The following OGFOD3 variants were observed in gnomAD, a reference collection of about 807,000 sequenced individuals.
OGFOD3 encodes 2-oxoglutarate and iron-dependent oxygenase domain-containing protein 3.
A neutral mutation model predicts 39.8 loss-of-function variants in OGFOD3; 35 were observed. That is an observed-to-expected ratio of 0.88 (90% CI 0.67 to 1.17). The LOEUF (loss-of-function observed/expected upper bound fraction) is 1.17, where lower values mean the gene tolerates loss of function less well. Ranked by LOEUF, OGFOD3 falls within the 50% of genes most tolerant of loss-of-function variation. OGFOD3 has a pLI of 0.00. For missense variants in OGFOD3, 438 were observed against 454.5 expected, an observed-to-expected ratio of 0.96 and a Z score of 0.33; for synonymous variants, 200 against 192.0, an observed-to-expected ratio of 1.04 and a Z score of -0.34.
intron 7 of OGFOD3, among the ~76,000 whole-genome samples, chr17:82,400,489 G>A (rs892179019): frequency 6.6e-6 from 1 of 152,170 alleles, no homozygotes; most frequent in Non-Finnish European, 1.5e-5. Flanking sequence ...AGGAACAATT[G>A]CCAAAACTGT....
chr17:82,398,276 G>C lies in OGFOD3; in HGVS notation c.743C>G (p.Ser248Cys), dbSNP rs766693096. The change falls in exon 8 of 9, where the codon TCC becomes TGC. Residue 248 changes from serine (S) to cysteine (C), a missense_variant. Transcript: ENST00000313056. ...SFDYTSLLYL[S>C]NYLEDFGGGR... ...TCCGCCGAAGTCCTCCAGGTAGTTG[G>C]AGAGGTACAGCAGCGAGGTGTAGTC... is the stretch of plus-strand genomic sequence containing the variant. The C allele has an allele frequency of 1.9e-6, 3 of 1,614,094 alleles. No homozygotes were observed. The highest frequency in any genetic ancestry group is 2.7e-5 in the African/African-American group (2 of 74,934).
intron 8 of OGFOD3, among the ~76,000 whole-genome samples, chr17:82,397,176 T>G (rs994475418): frequency 1.3e-5 from 2 of 151,888 alleles, no homozygotes; most frequent in African/African-American, 4.8e-5. Context: ...AATCTCAAAA[T>G]AAACAAGCTG....
At chr17:82,395,457 C>T (rs960895406) in intron 8 of OGFOD3, among the ~76,000 whole-genome samples, 1 of 152,212 alleles carries the variant, frequency 6.6e-6, no homozygotes, top group Non-Finnish European at 1.5e-5. Flanking sequence ...TGGGAACCCC[C>T]GAACACAGGA....
At chr17:82,395,557 C>T (rs2052658634) in intron 8 of OGFOD3, among the ~76,000 whole-genome samples, 1 of 152,072 alleles carries the variant, frequency 6.6e-6, no homozygotes, top group South Asian at 2.1e-4. Context: ...CGTGGTGGCT[C>T]ACGCCTGTCA....
At chr17:82,416,642 C>A (rs72857454) in intron 1 of OGFOD3, among the ~76,000 whole-genome samples, 8,314 of 151,550 alleles carry the variant, frequency 0.055, 347 homozygotes, top group Non-Finnish European at 0.082. Flanking sequence ...CATATTAGGA[C>A]AATATTTCTT....
chr17:82,405,267 C>A, intron 6 of OGFOD3, 57 bp downstream of exon 6: 2 of 1,486,192 alleles, frequency 1.3e-6, no homozygotes, highest in Non-Finnish European at 1.9e-6. Flanking sequence ...CTCTGCCACA[C>A]CCCTCAGCCC....
Position 82,406,548 on chromosome 17 carries a change from G to T in OGFOD3, c.424-66C>A. ...ATGGCAATGGCTGTTAAAAGTCATG[G>T]ATGGTAAATGCGAGTTTCCAAGGTC... On this transcript the variant is annotated intron_variant, in intron 4 of 8. Coordinates refer to ENST00000313056, the MANE Select transcript of OGFOD3 (RefSeq NM_024648.3). The surrounding 1 kb of genome is among the most constrained non-coding windows in gnomAD (Gnocchi z 5.2). 2.2e-6 allele frequency: 3 copies of T among 1,365,832 alleles called. No individual in the cohort carries two copies. The highest frequency in any genetic ancestry group is 1.2e-5 in the South Asian group (1 of 85,686). The allele number at this position is 1,365,832 out of a possible 1,614,324, so 84.6% of individuals were successfully genotyped here. A position where few individuals can be genotyped will look rare whatever the true frequency, so the allele number is the denominator to read the frequency against.
chr17:82,393,644 T>C (rs1359581660), intron 8 of OGFOD3: 1 of 152,222 alleles, frequency 6.6e-6, no homozygotes. Flanking sequence ...AAGGACACAT[T>C]GTCCTTGGTT....
chr17:82,412,193 CAT>C (rs2052958872), intron 2 of OGFOD3, among the ~76,000 whole-genome samples: 1 of 152,212 alleles, frequency 6.6e-6, no homozygotes. Context: ...CTGCTCCGCA[CAT>C]GCCCCTGTCT....
chr17:82,403,585 C>T (rs2052800411), intron 7 of OGFOD3, among the ~76,000 whole-genome samples: 1 of 152,088 alleles, frequency 6.6e-6, no homozygotes, highest in African/African-American at 2.4e-5. Flanking sequence ...TGAGCCGAAT[C>T]GCGCCACTGC....
At chr17:82,395,183 C>G (rs2052652606) in intron 8 of OGFOD3, among the ~76,000 whole-genome samples, 1 of 152,146 alleles carries the variant, frequency 6.6e-6, no homozygotes, top group African/African-American at 2.4e-5. Context: ...AGGTGCACGC[C>G]ACCACACCCG....
intron 4 of OGFOD3, among the ~76,000 whole-genome samples, chr17:82,408,938 A>C (rs8067189): frequency 0.027 from 4,073 of 152,296 alleles, 151 homozygotes; most frequent in African/African-American, 0.084. Context: ...GCGTCCAGCT[A>C]GGAAGTTGCA....
intron 8 of OGFOD3, among the ~76,000 whole-genome samples, chr17:82,395,815 CG>C (rs1599685377): frequency 6.6e-6 from 1 of 152,074 alleles, no homozygotes; most frequent in East Asian, 1.9e-4. Context: ...AGCGAGACTC[CG>C]TCTCAAAAGA....
At chr17:82,408,116 C>G (rs2052884340) in intron 4 of OGFOD3, among the ~76,000 whole-genome samples, 2 of 152,022 alleles carry the variant, frequency 1.3e-5, no homozygotes, top group African/African-American at 4.8e-5. Context: ...GCACTCCAGC[C>G]TGGGCAACAG....
chr17:82,394,362 AC>A (rs767876967), intron 8 of OGFOD3: 1 of 1,578,302 alleles, frequency 6.3e-7, no homozygotes, highest in Non-Finnish European at 8.6e-7. Context: ...CAGCACGGCA[AC>A]CAAGGAATCA....
At chr17:82,409,665 G>A (rs561003758) in intron 3 of OGFOD3, among the ~76,000 whole-genome samples, 113 of 152,332 alleles carry the variant, frequency 7.4e-4, no homozygotes, top group African/African-American at 2.6e-3. Context: ...GGGAGGCCAA[G>A]GCGGGTGGAT....
At chr17:82,405,415 A>T (rs1347428257) in intron 5 of OGFOD3, 35 bp from the exon 6 acceptor site, 1 of 1,546,258 alleles carries the variant, frequency 6.5e-7, no homozygotes, top group African/African-American at 1.4e-5. Flanking sequence ...AGGTCACAAC[A>T]CTTCATTAAT....
rs1330965754 is a variant in OGFOD3 at position 82,398,166 on chromosome 17, C to T, written c.823+30G>A. 1.9e-6 allele frequency: 3 copies of T among 1,613,240 alleles called. No individual in the cohort carries two copies. In the African/African-American group the frequency reaches 4.0e-5, roughly 22 times the overall value. Reference sequence around the variant, plus strand: ...ACCGTGCTTGCCTGAGCCAGGAGCCCCACGCCCAGGCCCCGCCCGCGCCTC... The same window carrying T: ...ACCGTGCTTGCCTGAGCCAGGAGCCTCACGCCCAGGCCCCGCCCGCGCCTC... On this transcript the variant is annotated intron_variant, in intron 8 of 8. Coordinates refer to ENST00000313056, the MANE Select transcript of OGFOD3 (RefSeq NM_024648.3).
At chr17:82,399,462 T>C (rs935382914) in intron 7 of OGFOD3, among the ~76,000 whole-genome samples, 3 of 152,242 alleles carry the variant, frequency 2.0e-5, no homozygotes, top group African/African-American at 7.2e-5. Flanking sequence ...TGTAATAAAA[T>C]GCAGAACCTA....
Sources: allele counts gnomAD v4.1 joint callset (sites outside exome capture counted in the v4.1 genomes callset), GRCh38; gene constraint gnomAD v4.1.1; non-coding constraint Gnocchi (gnomAD v3.1); transcripts MANE v1.5; gene names NCBI Gene and HGNC (gene_info 2026-07-23, HGNC 2026-07-21).